The following HCN1 variants were observed in gnomAD, a reference collection of about 807,000 sequenced individuals.
The protein encoded by HCN1 is potassium/sodium hyperpolarization-activated cyclic nucleotide-gated channel 1.
In HCN1, 13 loss-of-function variants were observed where a neutral mutation model predicts 78.9. That is an observed-to-expected ratio of 0.16 (90% CI 0.11 to 0.26). The LOEUF (loss-of-function observed/expected upper bound fraction) is 0.26. Among genes scored for constraint, HCN1 ranks in the 10% least tolerant of loss-of-function variants. The probability of loss-of-function intolerance (pLI) is 1.00; values close to 1 mark genes in which losing one functional copy is unlikely to be tolerated. For synonymous variants in HCN1, 552 were observed against 455.5 expected, an observed-to-expected ratio of 1.21 and a Z score of -2.70; for missense variants, 810 against 1,154.3, an observed-to-expected ratio of 0.70 and a Z score of 4.32.
At chr5:45,469,724 C>A (rs1741349287) in intron 2 of HCN1, among the ~76,000 whole-genome samples, 1 of 151,622 alleles carries the variant, frequency 6.6e-6, no homozygotes, top group Non-Finnish European at 1.5e-5. Flanking sequence ...AGGCAGTGTT[C>A]TTTTCATTGT....
At chr5:45,529,490 A>G (rs972837588) in intron 2 of HCN1, among the ~76,000 whole-genome samples, 10 of 152,066 alleles carry the variant, frequency 6.6e-5, no homozygotes, top group African/African-American at 1.9e-4. Context: ...CTCACCTAAA[A>G]TATGTCAAAG....
chr5:45,509,131 G>T (rs1159774590), intron 2 of HCN1, among the ~76,000 whole-genome samples: 4 of 152,098 alleles, frequency 2.6e-5, no homozygotes, highest in Non-Finnish European at 5.9e-5. Flanking sequence ...TACTGGTAAG[G>T]TTGGTGTTTA....
intron 3 of HCN1, among the ~76,000 whole-genome samples, chr5:45,434,064 C>T (rs907438678): frequency 6.6e-6 from 1 of 152,126 alleles, no homozygotes; most frequent in African/African-American, 2.4e-5. Flanking sequence ...TTCCTCACTC[C>T]CCCAAAGGTG....
chr5:45,413,734 C>T (rs1175153200), intron 3 of HCN1, among the ~76,000 whole-genome samples: 2 of 151,964 alleles, frequency 1.3e-5, no homozygotes, highest in African/African-American at 4.8e-5. Context: ...ATCTTGATAA[C>T]ATTAGCCATA....
intron 2 of HCN1, among the ~76,000 whole-genome samples, chr5:45,640,779 T>C (rs1045021535): frequency 4.0e-5 from 6 of 150,572 alleles, no homozygotes; most frequent in African/African-American, 1.2e-4. Context: ...TTCACCATGT[T>C]GGCCAGGCTG....
At chr5:45,268,254 G>T (rs1238210242) in intron 6 of HCN1, among the ~76,000 whole-genome samples, 1 of 152,088 alleles carries the variant, frequency 6.6e-6, no homozygotes, top group Non-Finnish European at 1.5e-5. Flanking sequence ...TGCAAATTTG[G>T]ATTTCATTAT....
chr5:45,661,412 A>G (rs1352165375), intron 1 of HCN1, among the ~76,000 whole-genome samples: 1 of 150,784 alleles, frequency 6.6e-6, no homozygotes, highest in Non-Finnish European at 1.5e-5. Flanking sequence ...AGCAAGAGCA[A>G]ACACATTCAA....
intron 2 of HCN1, among the ~76,000 whole-genome samples, chr5:45,631,388 A>T (rs1333347313): frequency 6.6e-6 from 1 of 152,134 alleles, no homozygotes; most frequent in Non-Finnish European, 1.5e-5. Context: ...TCTCCCTGTC[A>T]AAATGACTGG....
chr5:45,461,779 ATAAT>A, intron 3 of HCN1, 63 bp downstream of exon 3: 2 of 1,329,386 alleles, frequency 1.5e-6, no homozygotes, highest in Non-Finnish European at 2.2e-6. Flanking sequence ...TCATTGTAAC[ATAAT>A]TACTTAAAAG....
intron 1 of HCN1, among the ~76,000 whole-genome samples, chr5:45,650,143 C>CT (rs1745649294): frequency 6.6e-6 from 1 of 152,100 alleles, no homozygotes; most frequent in Non-Finnish European, 1.5e-5. Context: ...AAAATCCTAG[C>CT]TCCACTAACT....
chr5:45,651,477 T>A (rs929610046), intron 1 of HCN1, among the ~76,000 whole-genome samples: 4 of 151,984 alleles, frequency 2.6e-5, no homozygotes, highest in Non-Finnish European at 4.4e-5. Flanking sequence ...TATAACAACT[T>A]ATCAACCTGC....
chr5:45,518,622 A>G (rs1742557238), intron 2 of HCN1, among the ~76,000 whole-genome samples: 1 of 152,066 alleles, frequency 6.6e-6, no homozygotes, highest in Admixed American at 6.6e-5. Flanking sequence ...CATTTGATGG[A>G]CAATCCCTTC....
intron 3 of HCN1, among the ~76,000 whole-genome samples, chr5:45,452,318 AGTTTTTTTTTTTT>A (rs1036423951): frequency 3.2e-4 from 48 of 148,466 alleles, no homozygotes; most frequent in African/African-American, 1.1e-3. Context: ...AAGGGTATTT[AGTTTTTTTTTTTT>A]GTTTTTTTTT....
chr5:45,397,384 C>T (rs1026737958), intron 3 of HCN1, among the ~76,000 whole-genome samples: 1 of 151,738 alleles, frequency 6.6e-6, no homozygotes, highest in Non-Finnish European at 1.5e-5. Context: ...TGGCTTATGT[C>T]CTGGAGAAAA....
chr5:45,553,874 T>G (rs910265204), intron 2 of HCN1, among the ~76,000 whole-genome samples: 1 of 151,894 alleles, frequency 6.6e-6, no homozygotes, highest in African/African-American at 2.4e-5. Context: ...ACAGGACCCA[T>G]GAATGGGAGG....
chr5:45,286,753 T>G (rs1745277026), intron 6 of HCN1, among the ~76,000 whole-genome samples: 1 of 152,058 alleles, frequency 6.6e-6, no homozygotes, highest in African/African-American at 2.4e-5. Flanking sequence ...GTTGATGTGT[T>G]TCTCTTGTAA....
At chr5:45,413,135 A>G (rs1740055557) in intron 3 of HCN1, among the ~76,000 whole-genome samples, 1 of 152,080 alleles carries the variant, frequency 6.6e-6, no homozygotes, top group Non-Finnish European at 1.5e-5. Context: ...TAAGATGCGT[A>G]CAATTCCATT....
chr5:45,262,885 T>C (rs1744778919), intron 7 of HCN1, 75 bp from the exon 8 acceptor site: 1 of 1,504,314 alleles, frequency 6.6e-7, no homozygotes, highest in Non-Finnish European at 9.2e-7. Flanking sequence ...GAGTGGCTCC[T>C]GCAAACAGAA....
At chr5:45,480,709 C>G (rs540720876) in intron 2 of HCN1, among the ~76,000 whole-genome samples, 1 of 152,142 alleles carries the variant, frequency 6.6e-6, no homozygotes, top group Non-Finnish European at 1.5e-5. Context: ...TGATTCTATT[C>G]AATGTTATTA....
Sources: allele counts gnomAD v4.1 joint callset (sites outside exome capture counted in the v4.1 genomes callset), GRCh38; gene constraint gnomAD v4.1.1; transcripts MANE v1.5; gene names NCBI Gene and HGNC (gene_info 2026-07-23, HGNC 2026-07-21).